Variants in DCHS1 observed in about 807,000 individuals in gnomAD.
The protein encoded by DCHS1 is dachsous cadherin-related 1.
DCHS1 carries 78 observed loss-of-function variants against 213.9 expected under a neutral mutation model. That is an observed-to-expected ratio of 0.36 (90% CI 0.30 to 0.44). DCHS1 has a LOEUF of 0.44. Ranked by LOEUF, DCHS1 falls within the 20% of genes least tolerant of loss-of-function variation. The pLI is 1.00. For synonymous variants in DCHS1, 1,828 were observed against 1,873.7 expected (o/e 0.98, Z 0.63); for missense variants, 3,946 against 4,395.9 (o/e 0.90, Z 2.89).
At chr11:6,646,800 A>C (rs990896974) in intron 1 of DCHS1, among the ~76,000 whole-genome samples, 1 of 152,108 alleles carries the variant, frequency 6.6e-6, no homozygotes, top group Admixed American at 6.5e-5. Flanking sequence ...TGGGGCCTGA[A>C]ACGTGATGTC....
intron 2 of DCHS1, among the ~76,000 whole-genome samples, chr11:6,634,779 A>G (rs1031911768): frequency 1.7e-5 from 1 of 59,214 alleles, no homozygotes; most frequent in Admixed American, 1.7e-4. Flanking sequence ...TAAAAAAATG[A>G]AAAAAAAAAG....
At chr11:6,655,093 CA>C (rs1856295580) in intron 1 of DCHS1, among the ~76,000 whole-genome samples, 1 of 152,146 alleles carries the variant, frequency 6.6e-6, no homozygotes, top group African/African-American at 2.4e-5. Flanking sequence ...GTCTCTGTCA[CA>C]CACCCATCCT....
Position 6,641,732 on chromosome 11 carries a change from A to T in DCHS1, c.-119T>A. On this transcript the variant is annotated splice_region_variant and 5_prime_UTR_variant, in exon 2 of 21. Transcript: ENST00000299441. This position sits in a 1 kb window ranked among gnomAD's most constrained non-coding sequence, Gnocchi z 7.1. ...CCCTGGCTCCAGCTCAGGCTCCCTGACCTGGGAGAAAACAGAAGGAAACGG... is the reference window on the plus strand; with the variant it reads ...CCCTGGCTCCAGCTCAGGCTCCCTGTCCTGGGAGAAAACAGAAGGAAACGG... 6.9e-7 allele frequency: 1 copy of T among 1,440,194 alleles called. No individual in the cohort carries two copies. The highest frequency in any genetic ancestry group is 9.1e-7 in the Non-Finnish European group (1 of 1,099,322). The allele number at this position is 1,440,194 out of a possible 1,614,324, so 89.2% of individuals were successfully genotyped here. A position where few individuals can be genotyped will look rare whatever the true frequency, so the allele number is the denominator to read the frequency against.
At position 6,624,090 on chromosome 11, in the gene DCHS1, C is replaced by A; in HGVS notation, c.7586G>T (p.Arg2529Leu). The change falls in exon 21 of 21, where the codon CGA becomes CTA. Residue 2529 changes from arginine (R) to leucine (L), a missense_variant. Transcript: ENST00000299441. ...DYSIISGNWG[R>L]VFQLEPRLAE... is the part of the protein sequence containing the mutation. ...CAGCCTGGGTTCCAGCTGGAAGACT[C>A]GGCCCCAGTTGCCACTGATGATGCT... 2 of 1,612,160 alleles carry A rather than the reference C, an allele frequency of 1.2e-6. No individual in the cohort carries two copies. Among genetic ancestry groups the A allele is most frequent in the Non-Finnish European group, 1.7e-6 (2 of 1,179,216 alleles).
chr11:6,654,399 A>G (rs1664490489), intron 1 of DCHS1, among the ~76,000 whole-genome samples: 1 of 152,152 alleles, frequency 6.6e-6, no homozygotes, highest in African/African-American at 2.4e-5. Context: ...TGCAGTGACA[A>G]TGTCTCCTGA....
At chr11:6,653,192 C>T (rs2134663540) in intron 1 of DCHS1, among the ~76,000 whole-genome samples, 1 of 152,280 alleles carries the variant, frequency 6.6e-6, no homozygotes, top group African/African-American at 2.4e-5. Context: ...AAGTGTCAGG[C>T]TCACTGAACT....
At position 6,626,796 on chromosome 11, in the gene DCHS1, C is replaced by A. The variant is rs376321689; in HGVS notation, c.6243G>T (p.Ala2081=). Residue 2081 remains alanine (A), a synonymous_variant, in exon 14 of 21, where the codon GCG becomes GCT. Coordinates refer to ENST00000299441, the MANE Select transcript of DCHS1 (RefSeq NM_003737.4). The surrounding 1 kb of genome is among the most constrained non-coding windows in gnomAD (Gnocchi z 5.2). ...ASSEATIREN[A]PPGTPIVSPR... is the part of the protein sequence containing the mutation. ...AAATGGCTGGGGACCCACCTGGGGG[C>A]GCATTCTCACGAATCGTAGCCTCAC... 4 of 1,611,520 alleles carry A rather than the reference C, an allele frequency of 2.5e-6. No individual in the cohort carries two copies. Among genetic ancestry groups the A allele is most frequent in the East Asian group, 2.2e-5 (1 of 44,880 alleles).
Position 6,631,403 on chromosome 11 carries a change from G to A in DCHS1, c.3680C>T (p.Pro1227Leu). 1.2e-6 allele frequency: 2 copies of A among 1,613,948 alleles called. No individual in the cohort carries two copies. The highest frequency in any genetic ancestry group is 2.2e-5 in the East Asian group (1 of 44,884). ...AAGGGLPIQVPDRVPPGTLVT... is the reference protein window; with the variant it reads ...AAGGGLPIQVLDRVPPGTLVT... ...CAGTGTTCCCGGAGGCACGCGGTCT[G>A]GTACCTGTGGGAACACAACTCACCT... Residue 1227 changes from proline to leucine, a missense_variant, in exon 8 of 21, where the codon CCA becomes CTA. Coordinates refer to ENST00000299441, the MANE Select transcript of DCHS1 (RefSeq NM_003737.4).
chr11:6,629,919 A>C lies in DCHS1; in HGVS notation c.4796-8T>G, dbSNP rs1855872690. 2 of 1,610,472 alleles carry C rather than the reference A, an allele frequency of 1.2e-6. No homozygotes were observed. Among genetic ancestry groups the C allele is most frequent in the Non-Finnish European group, 1.7e-6 (2 of 1,177,552 alleles). On this transcript the variant is annotated splice_polypyrimidine_tract_variant and splice_region_variant and intron_variant, in intron 10 of 20. Transcript: ENST00000299441. ...GCACCACGGACAGCGCTCCTAGGTG[A>C]GCGGTAAGGCAGGTTGGTGGGGACC... is the stretch of plus-strand genomic sequence containing the variant.
At position 6,622,599 on chromosome 11, in the gene DCHS1, T is replaced by G. The variant is rs764401147; in HGVS notation, c.9077A>C (p.Asp3026Ala). 3.8e-6 allele frequency: 6 copies of G among 1,580,456 alleles called. No homozygotes were observed. ...TCCTCGGCCACTTGAATGTGAAGGG[T>G]CCAAGGAGCCACCACGGGGGTAGGG... ...GGPYPRGGSL[D>A]PSHSSGRGSA... The change falls in exon 21 of 21, where the codon GAC becomes GCC. Residue 3026 changes from aspartate to alanine, a missense_variant. Asp to Ala is a moderately radical substitution (Grantham distance 126, BLOSUM62 -2). Transcript: ENST00000299441. This position sits in a 1 kb window ranked among gnomAD's most constrained non-coding sequence, Gnocchi z 5.4.
chr11:6,634,091 C>G, intron 3 of DCHS1, 27 bp downstream of exon 3: 3 of 1,598,358 alleles, frequency 1.9e-6, no homozygotes, highest in Non-Finnish European at 2.6e-6. Context: ...CCCAACATCC[C>G]AACCTGCCCT....
rs752372998 is a variant in DCHS1 at position 6,641,562 on chromosome 11, T to C, written c.52A>G (p.Arg18Gly). ...AGCAATGGTAGCAGGAGGTGGGGCC[T>C]GGGGCTCTTCATGCCAGGGCAGGAA... ...VPSCPGMKSPRPHLLLPLLLL... is the reference protein window; with the variant it reads ...VPSCPGMKSPGPHLLLPLLLL... The change falls in exon 2 of 21, where the codon AGG (arginine) becomes GGG (glycine). Residue 18 changes from arginine to glycine, a missense_variant. Coordinates refer to ENST00000299441, the MANE Select transcript of DCHS1 (RefSeq NM_003737.4). The surrounding 1 kb of genome is among the most constrained non-coding windows in gnomAD (Gnocchi z 7.1). The C allele has an allele frequency of 6.4e-7, 1 of 1,551,162 alleles. No individual in the cohort carries two copies. Among genetic ancestry groups the C allele is most frequent in the South Asian group, 1.2e-5 (1 of 84,122 alleles).
Position 6,627,770 on chromosome 11 carries a change from C to CCTTTTGTTCA in DCHS1, c.5372-104_5372-103insTGAACAAAAG. On this transcript the variant is annotated intron_variant, in intron 13 of 20. Coordinates refer to ENST00000299441, the MANE Select transcript of DCHS1 (RefSeq NM_003737.4). This position sits in a 1 kb window ranked among gnomAD's most constrained non-coding sequence, Gnocchi z 5.4. Reference sequence around the variant, plus strand: ...GAGCATGTGCACAAAAGCAAGTGAACCTTATGAGAGAAAGGAAGAAAAACA... The same window carrying CCTTTTGTTCA: ...GAGCATGTGCACAAAAGCAAGTGAACCTTTTGTTCACTTATGAGAGAAAGGAAGAAAAACA... 8.0e-7 allele frequency: 1 copy of CCTTTTGTTCA among 1,250,330 alleles called. No homozygotes were observed. The highest frequency in any genetic ancestry group is 1.1e-6 in the Non-Finnish European group (1 of 919,852). The allele number at this position is 1,250,330 out of a possible 1,614,324, so 77.5% of individuals were successfully genotyped here.
At chr11:6,651,592 A>AAGGAAGAGAAGTGT (rs1856243008) in intron 1 of DCHS1, among the ~76,000 whole-genome samples, 1 of 152,242 alleles carries the variant, frequency 6.6e-6, no homozygotes. Context: ...GGATTGAAAG[A>AAGGAAGAGAAGTGT]AGGAAGAGAA....
chr11:6,655,253 C>A (rs1043597329), intron 1 of DCHS1, among the ~76,000 whole-genome samples: 14 of 151,984 alleles, frequency 9.2e-5, no homozygotes, highest in Non-Finnish European at 1.6e-4. Flanking sequence ...GGACACACAA[C>A]CTCCCAGTGA....
At position 6,625,825 on chromosome 11, in the gene DCHS1, T is replaced by G; in HGVS notation, c.6731+95A>C. Reference sequence around the variant, plus strand: ...AGGACAGAGCTTAGGGCTGGGGAATTCAGGATGTGGCCAAGGGACCAGATG... The same window carrying G: ...AGGACAGAGCTTAGGGCTGGGGAATGCAGGATGTGGCCAAGGGACCAGATG... On this transcript the variant is annotated intron_variant, in intron 17 of 20. Coordinates refer to ENST00000299441, the MANE Select transcript of DCHS1 (RefSeq NM_003737.4). This position sits in a 1 kb window ranked among gnomAD's most constrained non-coding sequence, Gnocchi z 5.3. 1.9e-6 allele frequency: 3 copies of G among 1,579,450 alleles called. No homozygotes were observed. The highest frequency in any genetic ancestry group is 2.3e-5 in the South Asian group (2 of 86,208).
chr11:6,622,938 C>T lies in DCHS1; in HGVS notation c.8738G>A (p.Ser2913Asn). 1 of 1,585,890 alleles carries T rather than the reference C, an allele frequency of 6.3e-7. No homozygotes were observed. The highest frequency in any genetic ancestry group is 1.1e-5 in the South Asian group (1 of 87,058). The change falls in exon 21 of 21, where the codon AGT becomes AAT. Residue 2913 changes from serine (S) to asparagine (N), a missense_variant. By Grantham distance (46) the Ser-to-Asn change is conservative. Coordinates refer to ENST00000299441, the MANE Select transcript of DCHS1 (RefSeq NM_003737.4). This position sits in a 1 kb window ranked among gnomAD's most constrained non-coding sequence, Gnocchi z 5.4. ...ATCCACGGTCACAGGCACTGTGGCA[C>T]TCCGGGAACCAGGCAGAGGCCCCCG... ...IARGPLPGSR[S>N]ATVPVTVDIT...
Position 6,625,503 on chromosome 11 carries a change from T to C in DCHS1, c.6863-22A>G. On this transcript the variant is annotated intron_variant, in intron 18 of 20. Coordinates refer to ENST00000299441, the MANE Select transcript of DCHS1 (RefSeq NM_003737.4). This position sits in a 1 kb window ranked among gnomAD's most constrained non-coding sequence, Gnocchi z 5.3. ...GCATCTGGAATACATGAGACTAGTG[T>C]GTTTGGCAATGGACACAGCCCCACC... is the stretch of plus-strand genomic sequence containing the variant. 6.2e-7 allele frequency: 1 copy of C among 1,606,438 alleles called. No individual in the cohort carries two copies. Among genetic ancestry groups the C allele is most frequent in the East Asian group, 2.2e-5 (1 of 44,838 alleles).
rs759163024 is a variant in DCHS1, at chr11:6,640,685, T to C, written c.929A>G (p.His310Arg). Residue 310 changes from histidine to arginine, a missense_variant, in exon 2 of 21, where the codon CAC becomes CGC. His to Arg is a conservative substitution (Grantham distance 29). Coordinates refer to ENST00000299441, the MANE Select transcript of DCHS1 (RefSeq NM_003737.4). The surrounding 1 kb of genome is among the most constrained non-coding windows in gnomAD (Gnocchi z 6.5). ...CCGCTCTAACTGCAGCAGCCCCGTG[T>C]GTGCGTCGATGGAGAAGGGTCCATC... ...EGDGPFSIDA[H>R]TGLLQLERPL... 7 of 1,613,408 alleles carry C rather than the reference T, an allele frequency of 4.3e-6. No individual in the cohort carries two copies. The highest frequency in any genetic ancestry group is 5.9e-6 in the Non-Finnish European group (7 of 1,179,872).
Sources: allele counts gnomAD v4.1 joint callset (sites outside exome capture counted in the v4.1 genomes callset), GRCh38; gene constraint gnomAD v4.1.1; non-coding constraint Gnocchi (gnomAD v3.1); transcripts MANE v1.5; gene names NCBI Gene and HGNC (gene_info 2026-07-23, HGNC 2026-07-21).